ANTXR1: variants seen among roughly 807,000 people sequenced by gnomAD.
ANTXR1 encodes anthrax toxin receptor 1.
ANTXR1 carries 19 observed loss-of-function variants against 78.1 expected under a neutral mutation model. That is an observed-to-expected ratio of 0.24 (90% CI 0.17 to 0.36). The LOEUF (loss-of-function observed/expected upper bound fraction) is 0.36, where lower values mean the gene tolerates loss of function less well. Ranked by LOEUF, ANTXR1 falls within the 10% of genes least tolerant of loss-of-function variation. The pLI is 1.00. For missense variants in ANTXR1, 518 were observed against 718.6 expected, an observed-to-expected ratio of 0.72 and a Z score of 3.19; for synonymous variants, 273 against 260.5, an observed-to-expected ratio of 1.05 and a Z score of -0.46.
At chr2:69,023,859 C>T (rs1049806014) in intron 1 of ANTXR1, among the ~76,000 whole-genome samples, 2 of 152,038 alleles carry the variant, frequency 1.3e-5, no homozygotes, top group African/African-American at 4.8e-5. Flanking sequence ...AGGATTTTGT[C>T]AGGTGACAAA....
intron 8 of ANTXR1, among the ~76,000 whole-genome samples, chr2:69,078,405 T>C (rs1157673721): frequency 6.6e-6 from 1 of 152,166 alleles, no homozygotes; most frequent in Non-Finnish European, 1.5e-5. Context: ...ATCACTTTCC[T>C]CTTAAGACAT....
intron 12 of ANTXR1, among the ~76,000 whole-genome samples, chr2:69,142,893 C>G (rs946260330): frequency 3.3e-5 from 5 of 152,112 alleles, no homozygotes; most frequent in African/African-American, 9.7e-5. Context: ...AGCCTTGTAC[C>G]TAGCAGTCCA....
chr2:69,247,056 T>G lies in ANTXR1; in HGVS notation c.*1571T>G, dbSNP rs1375002258. On this transcript the variant is annotated 3_prime_UTR_variant, in exon 18 of 18. Coordinates refer to ENST00000303714, the MANE Select transcript of ANTXR1 (RefSeq NM_032208.3). ...AGAACAGAGATATAAGGGCCTGGGA[T>G]GCATTTATTTTATCAATACCAATTT... is the stretch of plus-strand genomic sequence containing the variant. 3.9e-5 allele frequency: 6 copies of G among 152,400 alleles called. No homozygotes were observed. The highest frequency in any genetic ancestry group is 1.4e-4 in the African/African-American group (6 of 41,464). The allele number at this position is 152,400 out of a possible 1,614,324, so 9.4% of individuals were successfully genotyped here.
intron 7 of ANTXR1, among the ~76,000 whole-genome samples, chr2:69,076,469 T>C (rs1355125501): frequency 6.6e-6 from 1 of 152,234 alleles, no homozygotes; most frequent in Non-Finnish European, 1.5e-5. Context: ...TACCTCAATG[T>C]AGTTCATCGT....
At chr2:69,022,614 A>G (rs568184821) in intron 1 of ANTXR1, among the ~76,000 whole-genome samples, 15 of 152,346 alleles carry the variant, frequency 9.8e-5, no homozygotes, top group African/African-American at 3.4e-4. Context: ...GAGGTTCTCA[A>G]CCAAGGGCCA....
At chr2:69,064,609 G>C (rs1670340082) in intron 3 of ANTXR1, among the ~76,000 whole-genome samples, 1 of 152,122 alleles carries the variant, frequency 6.6e-6, no homozygotes. Context: ...GTTTACAAGA[G>C]ACACTTTAAA....
chr2:69,063,763 A>G (rs1244851201), intron 3 of ANTXR1, among the ~76,000 whole-genome samples: 1 of 152,154 alleles, frequency 6.6e-6, no homozygotes, highest in Non-Finnish European at 1.5e-5. Context: ...AACACAAAGG[A>G]TAAGAGGGAA....
At chr2:69,203,409 G>C (rs1339120793) in intron 17 of ANTXR1, among the ~76,000 whole-genome samples, 1 of 152,130 alleles carries the variant, frequency 6.6e-6, no homozygotes, top group Non-Finnish European at 1.5e-5. Flanking sequence ...GGCTGAGTTA[G>C]CTGAATTTAA....
intron 14 of ANTXR1, among the ~76,000 whole-genome samples, chr2:69,177,496 A>G (rs1272231473): frequency 6.6e-6 from 1 of 152,192 alleles, no homozygotes; most frequent in Non-Finnish European, 1.5e-5. Context: ...GGCCTCTACC[A>G]TCTGAGGAAT....
chr2:69,218,357 A>G (rs1200717857), intron 17 of ANTXR1, among the ~76,000 whole-genome samples: 1 of 151,972 alleles, frequency 6.6e-6, no homozygotes, highest in Non-Finnish European at 1.5e-5. Flanking sequence ...TCAGTTCTGG[A>G]AAAAAAGGGG....
At chr2:69,044,239 C>G (rs1206987175) in intron 2 of ANTXR1, among the ~76,000 whole-genome samples, 1 of 151,980 alleles carries the variant, frequency 6.6e-6, no homozygotes, top group Non-Finnish European at 1.5e-5. Flanking sequence ...CTTGGGAAGC[C>G]AAGGAGAAAT....
intron 8 of ANTXR1, among the ~76,000 whole-genome samples, chr2:69,085,365 T>A (rs555525253): frequency 4.6e-5 from 7 of 152,232 alleles, no homozygotes; most frequent in South Asian, 4.1e-4. Flanking sequence ...AGCAATTTTT[T>A]AAAAATGAGG....
chr2:69,131,410 G>A (rs1375048936), intron 12 of ANTXR1, among the ~76,000 whole-genome samples: 2 of 152,180 alleles, frequency 1.3e-5, no homozygotes, highest in Admixed American at 1.3e-4. Context: ...TAACATCCGG[G>A]TTATTTTCAA....
intron 10 of ANTXR1, among the ~76,000 whole-genome samples, chr2:69,120,686 A>G (rs1342159802): frequency 6.6e-6 from 1 of 152,042 alleles, no homozygotes; most frequent in Non-Finnish European, 1.5e-5. Context: ...TAATAATAAT[A>G]ATAATAATGC....
intron 16 of ANTXR1, among the ~76,000 whole-genome samples, chr2:69,187,793 G>A (rs1407658041): frequency 6.6e-6 from 1 of 151,034 alleles, no homozygotes; most frequent in African/African-American, 2.4e-5. Flanking sequence ...GTTTCATCAT[G>A]TTGGCCAGGA....
intron 10 of ANTXR1, among the ~76,000 whole-genome samples, chr2:69,117,159 C>G (rs750933393): frequency 6.6e-6 from 1 of 152,250 alleles, no homozygotes; most frequent in Non-Finnish European, 1.5e-5. Context: ...TGGTATCCAG[C>G]CTTGCCCATT....
chr2:69,024,769 T>G (rs976759400), intron 1 of ANTXR1, among the ~76,000 whole-genome samples: 4 of 152,212 alleles, frequency 2.6e-5, no homozygotes, highest in Admixed American at 2.6e-4. Context: ...TGTCATTGTC[T>G]TAGCTCAGGC....
At chr2:69,135,886 T>C (rs1375188119) in intron 12 of ANTXR1, among the ~76,000 whole-genome samples, 1 of 152,134 alleles carries the variant, frequency 6.6e-6, no homozygotes, top group Non-Finnish European at 1.5e-5. Context: ...AGTGGACACA[T>C]GATAAAGCCT....
chr2:69,108,128 A>G (rs1034989337), intron 10 of ANTXR1, among the ~76,000 whole-genome samples: 9 of 152,266 alleles, frequency 5.9e-5, no homozygotes, highest in African/African-American at 2.2e-4. Flanking sequence ...GAACTGAATT[A>G]GTAATTTCAT....
Sources: gnomAD v4.1 joint callset for allele counts (sites outside exome capture counted in the v4.1 genomes callset) on GRCh38, gnomAD v4.1.1 for gene constraint, MANE v1.5 for transcripts, NCBI Gene and HGNC (gene_info 2026-07-23, HGNC 2026-07-21) for gene names.